Variants in CCDC92B observed in about 807,000 individuals in gnomAD.
CCDC92B encodes the protein coiled-coil domain-containing 92B.
In CCDC92B, 2 loss-of-function variants were observed where a neutral mutation model predicts 5.6. That is an observed-to-expected ratio of 0.36 (90% confidence interval 0.15 to 1.12). The LOEUF (loss-of-function observed/expected upper bound fraction) is 1.12, where lower values mean the gene tolerates loss of function less well. Ranked by LOEUF, CCDC92B falls within the 50% of genes most tolerant of loss-of-function variation. The pLI is 0.40. For missense variants in CCDC92B, 271 were observed against 262.2 expected (o/e 1.03, Z -0.23); for synonymous variants, 115 against 122.3 (o/e 0.94, Z 0.39).
At chr17:2,745,727 A>G (rs999564244) in intron 1 of CCDC92B, among the ~76,000 whole-genome samples, 7 of 152,234 alleles carry the variant, frequency 4.6e-5, no homozygotes, top group Admixed American at 2.6e-4. Context: ...TGGCCTTCAG[A>G]AGCTCATGCC....
intron 1 of CCDC92B, chr17:2,748,490 TAA>T: frequency 2.1e-6 from 2 of 951,524 alleles, no homozygotes; most frequent in Non-Finnish European, 2.5e-6. Context: ...TGCAAAGCCA[TAA>T]GTCTTCATCG....
At chr17:2,734,499 T>G (rs1482064043) in intron 2 of CCDC92B, among the ~76,000 whole-genome samples, 14 of 151,854 alleles carry the variant, frequency 9.2e-5, no homozygotes, top group Admixed American at 9.2e-4. Flanking sequence ...CAGAGCTTTT[T>G]TTTTTTTTGA....
chr17:2,731,559 G>C (rs1349969672), intron 2 of CCDC92B, among the ~76,000 whole-genome samples: 1 of 152,162 alleles, frequency 6.6e-6, no homozygotes, highest in Non-Finnish European at 1.5e-5. Context: ...GGGGCCTTGT[G>C]ACCCCTCTGC....
intron 2 of CCDC92B, among the ~76,000 whole-genome samples, chr17:2,733,725 G>A (rs983347636): frequency 1.5e-4 from 22 of 143,600 alleles, no homozygotes; most frequent in African/African-American, 5.8e-4. Flanking sequence ...AGCTGTGATG[G>A]CTGAATCAGG....
rs2070697625 is a variant in CCDC92B at position 2,724,315 on chromosome 17, G to A, written c.*96C>T. ...TCGCCCCGCTTCCTGGAGGAGGGGCGGCTGCCCTCCGACCCGGGACCTGCC... is the reference window on the plus strand; with the variant it reads ...TCGCCCCGCTTCCTGGAGGAGGGGCAGCTGCCCTCCGACCCGGGACCTGCC... On this transcript the variant is annotated 3_prime_UTR_variant, in exon 4 of 4. Transcript: ENST00000614400. The surrounding 1 kb of genome is among the most constrained non-coding windows in gnomAD (Gnocchi z 5.0). 2.0e-6 allele frequency: 2 copies of A among 985,144 alleles called. No homozygotes were observed. Among genetic ancestry groups the A allele is most frequent in the South Asian group, 4.7e-5 (1 of 21,292 alleles). 61.0% of individuals were successfully genotyped at this position (985,144 alleles called of 1,614,324 possible).
chr17:2,739,187 A>G (rs555893468), intron 1 of CCDC92B, among the ~76,000 whole-genome samples: 15,855 of 147,808 alleles, frequency 0.11, 2,480 homozygotes, highest in African/African-American at 0.34. Flanking sequence ...CTAACATGGT[A>G]GAACCCCATC....
chr17:2,737,146 C>T (rs2070867002), intron 1 of CCDC92B, among the ~76,000 whole-genome samples: 1 of 151,874 alleles, frequency 6.6e-6, no homozygotes, highest in Non-Finnish European at 1.5e-5. Context: ...AGAGGCAGAC[C>T]GCGAACACTG....
intron 1 of CCDC92B, chr17:2,748,287 G>T: frequency 1.8e-6 from 2 of 1,112,770 alleles, no homozygotes; most frequent in Non-Finnish European, 2.4e-6. Flanking sequence ...TCAGGGCCTT[G>T]CTCTGATGTG....
Position 2,746,799 on chromosome 17 carries a change from TAG to T in CCDC92B, c.-24+2610_-24+2611del, listed in dbSNP as rs554352963. Reference sequence around the variant, plus strand: ...AATTCTTCTGCCTCAGCCTCCCGAGTAGCTGGAATTACAGGCACCCACCCAAC... The same window carrying T: ...AATTCTTCTGCCTCAGCCTCCCGAGTCTGGAATTACAGGCACCCACCCAAC... On this transcript the variant is annotated intron_variant, in intron 1 of 3. Transcript: ENST00000614400. Among the ~76,000 whole-genome samples the T allele has an allele frequency of 1.7e-3, 252 of 152,006 alleles. 1 individual carries two copies. Among genetic ancestry groups the T allele is most frequent in the South Asian group, 4.0e-3 (19 of 4,804 alleles).
chr17:2,735,256 G>T, intron 1 of CCDC92B, 88 bp from the exon 2 acceptor site: 1 of 888,556 alleles, frequency 1.1e-6, no homozygotes, highest in Non-Finnish European at 1.3e-6. Flanking sequence ...CTCCGCTCTA[G>T]GTCCTGTTGC....
At chr17:2,744,572 T>TC (rs112745995) in intron 1 of CCDC92B, among the ~76,000 whole-genome samples, 4 of 151,436 alleles carry the variant, frequency 2.6e-5, no homozygotes, top group African/African-American at 9.6e-5. Flanking sequence ...TTCCTCCTTT[T>TC]CCTTAGTACC....
intron 3 of CCDC92B, among the ~76,000 whole-genome samples, chr17:2,726,968 C>T (rs1319384806): frequency 2.7e-5 from 4 of 148,450 alleles, no homozygotes; most frequent in African/African-American, 5.0e-5. Context: ...TGGAGTGCAG[C>T]GGCATAGCTC....
intron 1 of CCDC92B, among the ~76,000 whole-genome samples, chr17:2,740,424 G>C (rs1360033638): frequency 1.3e-5 from 2 of 152,026 alleles, no homozygotes; most frequent in Non-Finnish European, 2.9e-5. Flanking sequence ...CACTTTGGGA[G>C]GCTGAGGCAG....
chr17:2,742,950 A>G (rs530257472), intron 1 of CCDC92B, among the ~76,000 whole-genome samples: 89 of 152,274 alleles, frequency 5.8e-4, no homozygotes, highest in Middle Eastern at 3.4e-3. Context: ...TCCATCTGCA[A>G]ATCCTGTTTG....
At chr17:2,748,508 G>C (rs1402182232) in intron 1 of CCDC92B, 1 of 100,956 alleles carries the variant, frequency 9.9e-6, no homozygotes, top group Non-Finnish European at 1.3e-5. Context: ...CATCGTGTTT[G>C]TGTGTGTGTG....
At chr17:2,726,620 TTTG>T (rs545829814) in intron 3 of CCDC92B, among the ~76,000 whole-genome samples, 1 of 151,042 alleles carries the variant, frequency 6.6e-6, no homozygotes, top group Non-Finnish European at 1.5e-5. Context: ...CCTGGCCTCT[TTTG>T]TTGTTGTTGA....
intron 1 of CCDC92B, among the ~76,000 whole-genome samples, chr17:2,736,434 ATAAATTAAAT>A (rs373310940): frequency 1.3e-5 from 2 of 151,816 alleles, no homozygotes; most frequent in South Asian, 2.1e-4. Context: ...CTCTAAATAA[ATAAATTAAAT>A]TAAATTAAAT....
rs1052353863 is a variant in CCDC92B, at chr17:2,724,611, C to A, written c.568G>T (p.Asp190Tyr). Residue 190 changes from aspartate to tyrosine, a missense_variant, in exon 4 of 4, where the codon GAC becomes TAC. Transcript: ENST00000614400. This position sits in a 1 kb window ranked among gnomAD's most constrained non-coding sequence, Gnocchi z 5.0. ...HEAAAKGPGR[D>Y]WAAWDRGAGA... ...GCCCCGCGGTCCCAGGCGGCCCAGT[C>A]CCGGCCGGGGCCCTTGGCGGCGGCC... 4 of 981,728 alleles carry A rather than the reference C, an allele frequency of 4.1e-6. No homozygotes were observed. In the African/African-American group the frequency reaches 7.0e-5, roughly 17 times the overall value. 60.8% of individuals were successfully genotyped at this position (981,728 alleles called of 1,614,324 possible).
At chr17:2,733,922 C>T (rs2151741028) in intron 2 of CCDC92B, among the ~76,000 whole-genome samples, 1 of 151,468 alleles carries the variant, frequency 6.6e-6, no homozygotes, top group African/African-American at 2.4e-5. Context: ...CCACGCCTGG[C>T]TAATTTTTTG....
Sources: gnomAD v4.1 joint callset for allele counts (sites outside exome capture counted in the v4.1 genomes callset) on GRCh38, gnomAD v4.1.1 for gene constraint, Gnocchi (gnomAD v3.1) non-coding constraint, MANE v1.5 for transcripts, NCBI Gene and HGNC (gene_info 2026-07-23, HGNC 2026-07-21) for gene names.